Variants in KCNIP4 observed in about 807,000 individuals in gnomAD.
KCNIP4 encodes the protein Kv channel-interacting protein 4.
KCNIP4 carries 12 observed loss-of-function variants against 34.0 expected under a neutral mutation model. The ratio of observed to expected loss-of-function variants is 0.35; its 90% CI spans 0.23 to 0.57. The LOEUF (loss-of-function observed/expected upper bound fraction) is 0.57. KCNIP4 is among the 20% of genes least tolerant of loss of function. The pLI, the probability that KCNIP4 is intolerant of heterozygous loss-of-function variation, is 0.83. For synonymous variants in KCNIP4, 124 were observed against 102.2 expected (o/e 1.21, Z -1.29); for missense variants, 238 against 311.7 (o/e 0.76, Z 1.78).
chr4:21,686,083 T>C (rs553458785), intron 1 of KCNIP4, among the ~76,000 whole-genome samples: 16 of 152,324 alleles, frequency 1.1e-4, no homozygotes, highest in East Asian at 5.8e-4. Context: ...TTTTTGTATC[T>C]CCCATCATAA....
At chr4:21,778,980 T>C (rs1719386941) in intron 1 of KCNIP4, among the ~76,000 whole-genome samples, 1 of 151,910 alleles carries the variant, frequency 6.6e-6, no homozygotes, top group Non-Finnish European at 1.5e-5. Context: ...AGTATGGGTC[T>C]GGTGTGCATG....
chr4:21,303,729 G>T, intron 1 of KCNIP4: 1 of 1,113,160 alleles, frequency 9.0e-7, no homozygotes, highest in Non-Finnish European at 1.3e-6. Context: ...CTCATTTCAG[G>T]TGCCTCTTAC....
intron 1 of KCNIP4, among the ~76,000 whole-genome samples, chr4:21,040,800 G>A (rs879497640): frequency 4.6e-5 from 7 of 151,702 alleles, no homozygotes; most frequent in Admixed American, 1.3e-4. Flanking sequence ...GTAAGAAGAC[G>A]AAAATGACTA....
intron 1 of KCNIP4, among the ~76,000 whole-genome samples, chr4:21,170,875 A>C (rs12647089): frequency 6.6e-6 from 1 of 151,824 alleles, no homozygotes. Context: ...TTTTTCTTTA[A>C]CTCCTTGCAT....
intron 1 of KCNIP4, among the ~76,000 whole-genome samples, chr4:21,759,185 A>T (rs1236147363): frequency 2.0e-5 from 3 of 152,108 alleles, no homozygotes; most frequent in Non-Finnish European, 4.4e-5. Context: ...AATTATGTGA[A>T]CCATTTTTTA....
chr4:21,710,591 C>T (rs1281272956), intron 1 of KCNIP4, among the ~76,000 whole-genome samples: 1 of 152,178 alleles, frequency 6.6e-6, no homozygotes, highest in African/African-American at 2.4e-5. Context: ...CCAGCCACAG[C>T]TGACCTTCGG....
chr4:21,237,088 T>C (rs1324436985), intron 1 of KCNIP4, among the ~76,000 whole-genome samples: 2 of 151,526 alleles, frequency 1.3e-5, no homozygotes, highest in Non-Finnish European at 2.9e-5. Flanking sequence ...GAGCATATTA[T>C]AAAACCACAG....
At chr4:21,122,352 C>T (rs544059250) in intron 1 of KCNIP4, among the ~76,000 whole-genome samples, 4 of 150,488 alleles carry the variant, frequency 2.7e-5, no homozygotes, top group Non-Finnish European at 4.4e-5. Flanking sequence ...TTTTGAAAAT[C>T]AGTATTTTCC....
intron 1 of KCNIP4, among the ~76,000 whole-genome samples, chr4:21,238,153 GA>G (rs1336206527): frequency 2.6e-5 from 4 of 152,168 alleles, no homozygotes; most frequent in Non-Finnish European, 5.9e-5. Flanking sequence ...AATAGATGCA[GA>G]AAAGGCCTTT....
intron 1 of KCNIP4, among the ~76,000 whole-genome samples, chr4:21,231,083 CAA>C (rs1173155222): frequency 1.3e-5 from 2 of 152,242 alleles, no homozygotes; most frequent in African/African-American, 4.8e-5. Context: ...ATAGCAGCCT[CAA>C]GAGATAATGC....
intron 1 of KCNIP4, among the ~76,000 whole-genome samples, chr4:21,651,735 T>C (rs1357968119): frequency 6.6e-6 from 1 of 152,108 alleles, no homozygotes; most frequent in African/African-American, 2.4e-5. Context: ...GAATCCTCAA[T>C]ATAGGTTGCA....
intron 1 of KCNIP4, among the ~76,000 whole-genome samples, chr4:21,053,887 C>T (rs1273167690): frequency 1.3e-5 from 2 of 152,164 alleles, no homozygotes; most frequent in African/African-American, 4.8e-5. Context: ...AGAGCTATCC[C>T]ATGCTTATGG....
At chr4:21,111,149 T>C (rs1392202658) in intron 1 of KCNIP4, among the ~76,000 whole-genome samples, 1 of 152,176 alleles carries the variant, frequency 6.6e-6, no homozygotes, top group Non-Finnish European at 1.5e-5. Context: ...TATTAATCAG[T>C]TCTGTTTTTC....
chr4:21,869,763 TAGATAGATAGATAGATAGATAGAC>T (rs2109363839), intron 1 of KCNIP4, among the ~76,000 whole-genome samples: 1 of 150,278 alleles, frequency 6.7e-6, no homozygotes, highest in East Asian at 2.0e-4. Context: ...GATAGATAGA[TAGATAGATAGATAGATAGATAGAC>T]AGACAGACAG....
chr4:21,475,969 G>T (rs10516388), intron 1 of KCNIP4, among the ~76,000 whole-genome samples: 18,971 of 151,970 alleles, frequency 0.12, 1,347 homozygotes, highest in South Asian at 0.21. Context: ...TTCCTGCAGT[G>T]CCTTCTCACA....
At chr4:21,190,179 T>C (rs1755522574) in intron 1 of KCNIP4, among the ~76,000 whole-genome samples, 1 of 152,208 alleles carries the variant, frequency 6.6e-6, no homozygotes. Flanking sequence ...GTTGGTAATA[T>C]TGTTGTTGCT....
intron 1 of KCNIP4, among the ~76,000 whole-genome samples, chr4:21,366,274 TAAAAA>T (rs1374853129): frequency 6.6e-6 from 1 of 151,998 alleles, no homozygotes; most frequent in South Asian, 2.1e-4. Context: ...TTTAAAAAAA[TAAAAA>T]AAACATACTC....
intron 1 of KCNIP4, among the ~76,000 whole-genome samples, chr4:20,917,857 TAAC>T (rs1729003241): frequency 6.6e-6 from 1 of 152,068 alleles, no homozygotes; most frequent in Non-Finnish European, 1.5e-5. Context: ...TAAAACCCAA[TAAC>T]GACAGGTATG....
At chr4:20,984,761 A>G (rs548040633) in intron 1 of KCNIP4, among the ~76,000 whole-genome samples, 2 of 152,314 alleles carry the variant, frequency 1.3e-5, no homozygotes, top group East Asian at 3.9e-4. Context: ...TAAGATGTTC[A>G]TAACTGCCCC....
Sources: allele counts gnomAD v4.1 joint callset (sites outside exome capture counted in the v4.1 genomes callset), GRCh38; gene constraint gnomAD v4.1.1; transcripts MANE v1.5; gene names NCBI Gene and HGNC (gene_info 2026-07-23, HGNC 2026-07-21).